Variants in PPFIA2 observed in about 807,000 individuals in gnomAD.
PPFIA2 encodes the protein liprin-alpha-2.
In PPFIA2, 46 loss-of-function variants were observed where a neutral mutation model predicts 175.5. The observed-to-expected ratio is 0.26, with a 90% CI of 0.21 to 0.34. PPFIA2 has a LOEUF of 0.34. PPFIA2 is among the 10% of genes least tolerant of loss of function. The pLI, the probability that PPFIA2 is intolerant of heterozygous loss-of-function variation, is 1.00. For missense variants in PPFIA2, 1,179 were observed against 1,506.1 expected (o/e 0.78, Z 3.60); for synonymous variants, 568 against 511.4 (o/e 1.11, Z -1.49).
At chr12:81,599,615 T>G (rs2059593460) in intron 4 of PPFIA2, among the ~76,000 whole-genome samples, 1 of 152,028 alleles carries the variant, frequency 6.6e-6, no homozygotes, top group African/African-American at 2.4e-5. Flanking sequence ...ATGGGACACT[T>G]GTCAAAACTA....
intron 4 of PPFIA2, among the ~76,000 whole-genome samples, chr12:81,660,286 T>C (rs1022347817): frequency 1.3e-5 from 2 of 151,966 alleles, no homozygotes; most frequent in Admixed American, 1.3e-4. Flanking sequence ...GGCAAAAAAG[T>C]TAAAAACCTT....
At chr12:81,357,296 ATTAATTAAT>A (rs1353577885) in intron 16 of PPFIA2, among the ~76,000 whole-genome samples, 2 of 152,196 alleles carry the variant, frequency 1.3e-5, no homozygotes, top group African/African-American at 4.8e-5. Context: ...ACTATGATGG[ATTAATTAAT>A]ACATGGCATA....
At position 81,469,699 on chromosome 12, in the gene PPFIA2, C is replaced by T. The variant is rs141460919; in HGVS notation, c.304-11833G>A. The stretch of plus-strand genomic sequence containing the variant: ...TTAAATGTGACGCCAAAAGCTCATA[C>T]AACACAAGTTAAAATAGTCCAGACT... On this transcript the variant is annotated intron_variant, in intron 4 of 32. Coordinates refer to ENST00000549396, the MANE Select transcript of PPFIA2 (RefSeq NM_003625.5). Among the ~76,000 whole-genome samples the T allele has an allele frequency of 3.7e-3, 571 of 152,290 alleles. 3 individuals carry two copies. Among genetic ancestry groups the T allele is most frequent in the African/African-American group, 0.013 (534 of 41,556 alleles).
chr12:81,275,398 C>G (rs2136627883), intron 28 of PPFIA2, among the ~76,000 whole-genome samples: 1 of 152,304 alleles, frequency 6.6e-6, no homozygotes, highest in South Asian at 2.1e-4. Context: ...CACATGCATT[C>G]AAGCCCGTTC....
chr12:81,501,325 C>T (rs189130827), intron 4 of PPFIA2, among the ~76,000 whole-genome samples: 21 of 152,230 alleles, frequency 1.4e-4, no homozygotes, highest in African/African-American at 4.6e-4. Context: ...TATTTAGATG[C>T]CCCCTTCTCA....
chr12:81,631,793 A>G (rs2063417584), intron 4 of PPFIA2, among the ~76,000 whole-genome samples: 2 of 152,116 alleles, frequency 1.3e-5, no homozygotes, highest in South Asian at 4.1e-4. Context: ...GTCGCCAAAC[A>G]CCTCGCCTCA....
chr12:81,336,829 A>G (rs2057209237), intron 21 of PPFIA2, among the ~76,000 whole-genome samples: 1 of 152,166 alleles, frequency 6.6e-6, no homozygotes, highest in Non-Finnish European at 1.5e-5. Context: ...TTACTGGTAG[A>G]AGAAAGAACA....
chr12:81,532,885 A>C (rs1211982176), intron 4 of PPFIA2, among the ~76,000 whole-genome samples: 1 of 151,786 alleles, frequency 6.6e-6, no homozygotes, highest in Non-Finnish European at 1.5e-5. Context: ...TCAACATATT[A>C]ACTGAAGCAG....
intron 11 of PPFIA2, among the ~76,000 whole-genome samples, chr12:81,370,169 GTAAT>G (rs1355760971): frequency 6.6e-6 from 1 of 151,766 alleles, no homozygotes; most frequent in Non-Finnish European, 1.5e-5. Flanking sequence ...TGACTCAGGT[GTAAT>G]TAATTTGGAA....
At chr12:81,263,641 A>C (rs1485481779) in intron 30 of PPFIA2, among the ~76,000 whole-genome samples, 1 of 152,206 alleles carries the variant, frequency 6.6e-6, no homozygotes, top group Non-Finnish European at 1.5e-5. Context: ...TATACAGTAA[A>C]TATCCTTGAA....
chr12:81,350,091 T>C (rs1278447104), intron 17 of PPFIA2, among the ~76,000 whole-genome samples: 12 of 152,174 alleles, frequency 7.9e-5, no homozygotes. Context: ...ACTACCCTAA[T>C]GTTACAAAGC....
At chr12:81,361,767 G>A (rs545958983) in intron 15 of PPFIA2, among the ~76,000 whole-genome samples, 1 of 151,652 alleles carries the variant, frequency 6.6e-6, no homozygotes, top group East Asian at 1.9e-4. Flanking sequence ...CTCTGGTGGA[G>A]TTAACTTTCT....
At chr12:81,668,841 CA>C (rs1156980343) in intron 4 of PPFIA2, among the ~76,000 whole-genome samples, 1 of 152,030 alleles carries the variant, frequency 6.6e-6, no homozygotes, top group African/African-American at 2.4e-5. Flanking sequence ...TATGATTCAA[CA>C]ATGGAAACCT....
At chr12:81,320,580 G>A (rs538839975) in intron 22 of PPFIA2, among the ~76,000 whole-genome samples, 27 of 151,874 alleles carry the variant, frequency 1.8e-4, no homozygotes, top group East Asian at 9.7e-4. Context: ...ATTAACATTC[G>A]TATGATATCT....
chr12:81,302,483 T>G (rs2048097102), intron 22 of PPFIA2, among the ~76,000 whole-genome samples: 1 of 152,188 alleles, frequency 6.6e-6, no homozygotes, highest in African/African-American at 2.4e-5. Flanking sequence ...AATCACAAAC[T>G]CTAATAACAG....
At chr12:81,704,004 C>T (rs11831720) in intron 3 of PPFIA2, among the ~76,000 whole-genome samples, 1 of 152,090 alleles carries the variant, frequency 6.6e-6, no homozygotes, top group African/African-American at 2.4e-5. Flanking sequence ...TTATTTTATA[C>T]CTATTTGTTG....
At chr12:81,707,483 C>T (rs1319193901) in intron 3 of PPFIA2, among the ~76,000 whole-genome samples, 3 of 152,118 alleles carry the variant, frequency 2.0e-5, no homozygotes, top group Non-Finnish European at 4.4e-5. Context: ...TATCATCTCA[C>T]ACCAGTTAGA....
chr12:81,476,028 A>C (rs1474449740), intron 4 of PPFIA2, among the ~76,000 whole-genome samples: 1 of 152,168 alleles, frequency 6.6e-6, no homozygotes, highest in Non-Finnish European at 1.5e-5. Flanking sequence ...TAATGGTCAA[A>C]CTGATGTCTT....
chr12:81,691,205 T>C (rs560604012), intron 3 of PPFIA2, among the ~76,000 whole-genome samples: 23 of 152,136 alleles, frequency 1.5e-4, no homozygotes, highest in Non-Finnish European at 2.8e-4. Flanking sequence ...TTAAACTTTC[T>C]TGACCAGCCC....
Sources: allele counts gnomAD v4.1 joint callset (sites outside exome capture counted in the v4.1 genomes callset), GRCh38; gene constraint gnomAD v4.1.1; transcripts MANE v1.5; gene names NCBI Gene and HGNC (gene_info 2026-07-23, HGNC 2026-07-21).